The following TLE3 variants were observed in gnomAD, a reference collection of about 807,000 sequenced individuals.
TLE3 encodes TLE family member 3, transcriptional corepressor, also known as transducin-like enhancer protein 3.
In TLE3, 14 loss-of-function variants were observed where a neutral mutation model predicts 93.0. The ratio of observed to expected loss-of-function variants is 0.15; its 90% CI spans 0.10 to 0.24. The LOEUF (loss-of-function observed/expected upper bound fraction) is 0.24, where lower values mean the gene tolerates loss of function less well. Among genes scored for constraint, TLE3 ranks in the 10% least tolerant of loss-of-function variants. The pLI, the probability that TLE3 is intolerant of heterozygous loss-of-function variation, is 1.00. For synonymous variants in TLE3, 451 were observed against 425.0 expected (o/e 1.06, Z -0.75); for missense variants, 693 against 1,046.6 (o/e 0.66, Z 4.66).
At chr15:70,074,187 T>C (rs530432544) in intron 6 of TLE3, among the ~76,000 whole-genome samples, 2 of 152,306 alleles carry the variant, frequency 1.3e-5, no homozygotes, top group Non-Finnish European at 2.9e-5. Flanking sequence ...TGTGAGGAGG[T>C]GGCCAGGTAC....
intron 9 of TLE3, among the ~76,000 whole-genome samples, chr15:70,059,907 T>C (rs1292890826): frequency 6.6e-6 from 1 of 152,156 alleles, no homozygotes; most frequent in Non-Finnish European, 1.5e-5. Context: ...CACAGCTGAG[T>C]GTCCTTTGGG....
In TLE3 at chr15:70,056,238, G is replaced by A. The variant is rs1174737609; in HGVS notation, c.1328+60C>T. 7 of 1,543,672 alleles carry A rather than the reference G, an allele frequency of 4.5e-6. No homozygotes were observed. In the South Asian group the frequency reaches 5.6e-5, roughly 12 times the overall value. On this transcript the variant is annotated intron_variant, in intron 14 of 19. Transcript: ENST00000451782. ...GATGAGGGGCGTTGTTGGAATTGGG[G>A]GTAGAGTGCTCTCTCCTGCCCACCC...
In TLE3 at chr15:70,053,401, T is replaced by G. The variant is rs201040592; in HGVS notation, c.1827-27A>C. On this transcript the variant is annotated intron_variant, in intron 16 of 19. Transcript: ENST00000451782. ...TACGAAAGCCAAGCAGGGAGGAGGG[T>G]GAGTCCCGGGAACCACAGACTGCCA... is the stretch of plus-strand genomic sequence containing the variant. 72 of 1,584,700 alleles carry G rather than the reference T, an allele frequency of 4.5e-5. No individual in the cohort carries two copies. In the African/African-American group the frequency reaches 7.9e-4, roughly 17 times the overall value.
In TLE3 at chr15:70,065,995, T is replaced by C; in HGVS notation, c.577+19A>G. On this transcript the variant is annotated intron_variant, in intron 7 of 19. Transcript: ENST00000451782. ...CCCACCCCTGCCCCGCCCCACCCTC[T>C]GCCCCAGCCCAGCCGCACCTCTGTG... is the stretch of plus-strand genomic sequence containing the variant. 2.7e-5 allele frequency: 21 copies of C among 778,534 alleles called. No individual in the cohort carries two copies. The highest frequency in any genetic ancestry group is 4.4e-5 in the Non-Finnish European group (21 of 473,778). 48.2% of individuals were successfully genotyped at this position (778,534 alleles called of 1,614,324 possible).
In TLE3 at chr15:70,055,287, A is replaced by G; in HGVS notation, c.1340T>C (p.Phe447Ser). The G allele has an allele frequency of 6.3e-7, 1 of 1,583,246 alleles. No individual in the cohort carries two copies. ...SIPGGKPAYS[F>S]HVSADGQMQP... is the part of the protein sequence containing the mutation. ...CATCTGCCCATCAGCACTCACATGG[A>G]ATGAGTACGCTCTGAAAAGGTGAGA... Residue 447 changes from phenylalanine to serine, a missense_variant, in exon 15 of 20, where the codon TTC (phenylalanine) becomes TCC (serine). By Grantham distance (155) the Phe-to-Ser change is radical (BLOSUM62 -2). Transcript: ENST00000451782.
At chr15:70,067,382 C>G (rs766860924) in intron 6 of TLE3, among the ~76,000 whole-genome samples, 7 of 152,214 alleles carry the variant, frequency 4.6e-5, no homozygotes, top group South Asian at 2.1e-4. Context: ...TTCCAACCAC[C>G]TGGCAAGGGA....
intron 4 of TLE3, among the ~76,000 whole-genome samples, chr15:70,080,948 CAG>C (rs778844613): frequency 3.3e-5 from 5 of 152,160 alleles, no homozygotes; most frequent in Non-Finnish European, 5.9e-5. Context: ...CTACTTCCAC[CAG>C]AGAGTCTGTC....
chr15:70,092,124 C>T (rs1463751917), intron 4 of TLE3, among the ~76,000 whole-genome samples: 2 of 152,206 alleles, frequency 1.3e-5, no homozygotes, highest in Non-Finnish European at 2.9e-5. Flanking sequence ...ACCAGTCAAC[C>T]GCTAAACAGG....
At chr15:70,086,669 C>CA (rs1197904259) in intron 4 of TLE3, among the ~76,000 whole-genome samples, 4 of 152,046 alleles carry the variant, frequency 2.6e-5, no homozygotes. Flanking sequence ...AATTAACAAA[C>CA]AAAAAAAGCA....
chr15:70,082,854 C>A (rs1270695531), intron 4 of TLE3, among the ~76,000 whole-genome samples: 1 of 152,204 alleles, frequency 6.6e-6, no homozygotes, highest in Non-Finnish European at 1.5e-5. Context: ...CCAGCTAGGA[C>A]CGATCAACGG....
chr15:70,090,072 C>G (rs1405796842), intron 4 of TLE3, among the ~76,000 whole-genome samples: 1 of 152,168 alleles, frequency 6.6e-6, no homozygotes, highest in Non-Finnish European at 1.5e-5. Flanking sequence ...CTGAAACCCC[C>G]ACTCTACCAC....
intron 9 of TLE3, 48 bp downstream of exon 9, chr15:70,060,482 G>A: frequency 6.2e-7 from 1 of 1,609,230 alleles, no homozygotes; most frequent in Non-Finnish European, 8.5e-7. Flanking sequence ...GACACCCCCT[G>A]CCCTACCCAA....
Position 70,096,981 on chromosome 15 carries a change from C to G in TLE3, c.-183G>C, listed in dbSNP as rs1197797426. The G allele has an allele frequency of 1.4e-6, 1 of 724,866 alleles. No homozygotes were observed. Among genetic ancestry groups the G allele is most frequent in the African/African-American group, 1.9e-5 (1 of 53,302 alleles). The allele number at this position is 724,866 out of a possible 1,614,324, so 44.9% of individuals were successfully genotyped here. The stretch of plus-strand genomic sequence containing the variant: ...GTCGGGCGCCCGCCCCAAGTGGAGA[C>G]AAAGAGCCGCGGAGCAGGCGGCAAA... On this transcript the variant is annotated 5_prime_UTR_variant, in exon 1 of 20. Coordinates refer to ENST00000451782, the MANE Select transcript of TLE3 (RefSeq NM_001105192.3).
chr15:70,057,637 A>T lies in TLE3; in HGVS notation c.1073T>A (p.Ile358Asn), dbSNP rs1322173191. The T allele has an allele frequency of 6.3e-7, 1 of 1,581,008 alleles. No individual in the cohort carries two copies. Among genetic ancestry groups the T allele is most frequent in the Non-Finnish European group, 8.6e-7 (1 of 1,167,914 alleles). The change falls in exon 13 of 20, where the codon ATC becomes AAC. Residue 358 changes from isoleucine (I) to asparagine (N), a missense_variant. This residue lies in a region of TLE3 where 405 missense variants were observed against 468.9 expected (regional missense o/e 0.86). Transcript: ENST00000451782. Reference sequence around the variant, plus strand: ...CGCCGCATAGGAGCTGGTGATGGAGATGGGCGTGCGCAGAGCCGAGGCTGC... The same window carrying T: ...CGCCGCATAGGAGCTGGTGATGGAGTTGGGCGTGCGCAGAGCCGAGGCTGC... ...DPIASALRTP[I>N]SITSSYAAPF... is the part of the protein sequence containing the mutation.
intron 4 of TLE3, among the ~76,000 whole-genome samples, chr15:70,083,266 TA>T (rs11317070): frequency 1 from 151,546 of 152,206 alleles, 75,452 homozygotes; most frequent in Middle Eastern, 1. Flanking sequence ...TTTAGGACTC[TA>T]AAGAGTTTCA....
intron 4 of TLE3, among the ~76,000 whole-genome samples, chr15:70,089,141 G>A (rs773816079): frequency 1.3e-4 from 20 of 152,262 alleles, no homozygotes; most frequent in Middle Eastern, 3.4e-3. Context: ...GAGGGGCCTC[G>A]GCTGCCGACT....
At chr15:70,075,050 G>A (rs1243497326) in intron 5 of TLE3, among the ~76,000 whole-genome samples, 1 of 152,218 alleles carries the variant, frequency 6.6e-6, no homozygotes, top group East Asian at 1.9e-4. Flanking sequence ...CAGGATATCT[G>A]CAATTTACCG....
At position 70,058,053 on chromosome 15, in the gene TLE3, C is replaced by A. The variant is rs554640981; in HGVS notation, c.1051+106G>T. Reference sequence around the variant, plus strand: ...CCCCAGGGGCAGGCCCTGGGAGACACTGCCTGTGCTCTATCCCATGCGTGT... The same window carrying A: ...CCCCAGGGGCAGGCCCTGGGAGACAATGCCTGTGCTCTATCCCATGCGTGT... On this transcript the variant is annotated intron_variant, in intron 12 of 19. Coordinates refer to ENST00000451782, the MANE Select transcript of TLE3 (RefSeq NM_001105192.3). This position sits in a 1 kb window ranked among gnomAD's most constrained non-coding sequence, Gnocchi z 4.1. 4.4e-5 allele frequency: 68 copies of A among 1,538,008 alleles called. No individual in the cohort carries two copies. Among genetic ancestry groups the A allele is most frequent in the Non-Finnish European group, 5.9e-5 (67 of 1,133,822 alleles).
intron 7 of TLE3, among the ~76,000 whole-genome samples, chr15:70,064,907 A>T (rs1204410253): frequency 1.4e-5 from 2 of 146,564 alleles, no homozygotes; most frequent in African/African-American, 5.1e-5. Context: ...TTATTGTTAA[A>T]AAAAAAAAAA....
Sources: allele counts gnomAD v4.1 joint callset (sites outside exome capture counted in the v4.1 genomes callset), GRCh38; gene constraint gnomAD v4.1.1; regional missense constraint gnomAD v4.1.1; non-coding constraint Gnocchi (gnomAD v3.1); transcripts MANE v1.5; gene names NCBI Gene and HGNC (gene_info 2026-07-23, HGNC 2026-07-21).